PCDH9: variants seen among roughly 807,000 people sequenced by gnomAD.
The protein encoded by PCDH9 is protocadherin 9, also known as protocadherin-9.
Under a neutral mutation model 70.6 loss-of-function variants are expected in PCDH9, and 24 were observed. The observed-to-expected ratio is 0.34, with a 90% CI of 0.25 to 0.48. The LOEUF is 0.48. Ranked by LOEUF, PCDH9 falls within the 20% of genes least tolerant of loss-of-function variation. The pLI, the probability that PCDH9 is intolerant of heterozygous loss-of-function variation, is 0.99. For missense variants in PCDH9, 1,281 were observed against 1,503.6 expected, an observed-to-expected ratio of 0.85 and a Z score of 2.45; for synonymous variants, 562 against 558.5, an observed-to-expected ratio of 1.01 and a Z score of -0.09.
intron 2 of PCDH9, among the ~76,000 whole-genome samples, chr13:67,189,125 CAT>C (rs200358480): frequency 6.6e-6 from 1 of 151,252 alleles, no homozygotes; most frequent in African/African-American, 2.4e-5. Flanking sequence ...TTAATTCCTT[CAT>C]ATATATATAT....
chr13:66,612,105 T>C (rs2077300163), intron 4 of PCDH9, among the ~76,000 whole-genome samples: 1 of 152,210 alleles, frequency 6.6e-6, no homozygotes, highest in Non-Finnish European at 1.5e-5. Context: ...CCTAACCTCA[T>C]TCAATGTTAA....
chr13:66,967,581 CA>C (rs2083451215), intron 2 of PCDH9, among the ~76,000 whole-genome samples: 2 of 151,804 alleles, frequency 1.3e-5, no homozygotes, highest in South Asian at 4.1e-4. Context: ...CAAGTTTACC[CA>C]AATCCATAGA....
Position 66,576,033 on chromosome 13 carries a change from T to TA in PCDH9, c.3340+55176dup, listed in dbSNP as rs914710392. On this transcript the variant is annotated intron_variant, in intron 4 of 4. Coordinates refer to ENST00000377865, the MANE Select transcript of PCDH9 (RefSeq NM_203487.3). ...CACTTTGGATTATTTTTAACCCAAA[T>TA]AAAAAAGATCAATTATCATAAAACA... Among the ~76,000 whole-genome samples, 3 of 110,002 alleles carry TA rather than the reference T, an allele frequency of 2.7e-5. No homozygotes were observed. The South Asian group carries it at 7.9e-4, about 29-fold the overall frequency. 72.2% of individuals were successfully genotyped at this position (110,002 alleles called of 152,430 possible). A position where few individuals can be genotyped will look rare whatever the true frequency, so the allele number is the denominator to read the frequency against.
At chr13:66,533,440 T>C (rs1360697912) in intron 4 of PCDH9, among the ~76,000 whole-genome samples, 1 of 152,048 alleles carries the variant, frequency 6.6e-6, no homozygotes. Context: ...GCAAAACTAT[T>C]TGTAGATCAT....
At chr13:67,116,526 G>A (rs944595486) in intron 2 of PCDH9, among the ~76,000 whole-genome samples, 9 of 152,032 alleles carry the variant, frequency 5.9e-5, no homozygotes, top group South Asian at 2.1e-4. Context: ...TAGAACCTGA[G>A]TAAGATAAAT....
At chr13:66,820,751 G>A (rs2080696701) in intron 3 of PCDH9, among the ~76,000 whole-genome samples, 1 of 152,124 alleles carries the variant, frequency 6.6e-6, no homozygotes, top group South Asian at 2.1e-4. Context: ...CAGAGGGACA[G>A]AAAACTAAAT....
chr13:67,221,462 T>C (rs2089723150), intron 2 of PCDH9: 1 of 152,116 alleles, frequency 6.6e-6, no homozygotes, highest in African/African-American at 2.4e-5. Flanking sequence ...ATTTTCAGTG[T>C]ATACATTCCT....
intron 2 of PCDH9, among the ~76,000 whole-genome samples, chr13:67,131,018 C>T (rs577140219): frequency 6.6e-6 from 1 of 152,174 alleles, no homozygotes; most frequent in Non-Finnish European, 1.5e-5. Context: ...AGTGAGAAAA[C>T]TGAAGATATT....
At chr13:66,665,129 G>A (rs1256415119) in intron 3 of PCDH9, among the ~76,000 whole-genome samples, 13 of 147,344 alleles carry the variant, frequency 8.8e-5, no homozygotes, top group Non-Finnish European at 1.2e-4. Context: ...TTTTTGAGAC[G>A]GAGTTTTGCT....
At chr13:66,996,732 A>G (rs1013160689) in intron 2 of PCDH9, among the ~76,000 whole-genome samples, 1 of 152,222 alleles carries the variant, frequency 6.6e-6, no homozygotes, top group Non-Finnish European at 1.5e-5. Context: ...CCCTGAATGA[A>G]TGTGTCTAAA....
chr13:66,345,479 G>A (rs919733290), intron 4 of PCDH9, among the ~76,000 whole-genome samples: 4 of 152,004 alleles, frequency 2.6e-5, no homozygotes, highest in Non-Finnish European at 4.4e-5. Flanking sequence ...GCTATCAAAG[G>A]CATTTCCACA....
At chr13:66,309,986 T>C (rs1392278374) in intron 4 of PCDH9, among the ~76,000 whole-genome samples, 3 of 152,016 alleles carry the variant, frequency 2.0e-5, no homozygotes, top group African/African-American at 4.8e-5. Flanking sequence ...TACACCAGTT[T>C]ATTTCCTTTC....
intron 4 of PCDH9, among the ~76,000 whole-genome samples, chr13:66,511,145 A>T (rs1959450344): frequency 6.6e-6 from 1 of 152,212 alleles, no homozygotes; most frequent in Non-Finnish European, 1.5e-5. Flanking sequence ...TAAAACTGTC[A>T]CATTAAAAAC....
chr13:66,311,266 T>C (rs1320916550), intron 4 of PCDH9, among the ~76,000 whole-genome samples: 1 of 152,064 alleles, frequency 6.6e-6, no homozygotes, highest in East Asian at 1.9e-4. Context: ...TTGAAGTTAA[T>C]TTTAGTATCT....
chr13:66,526,454 T>C (rs1432978192), intron 4 of PCDH9, among the ~76,000 whole-genome samples: 3 of 152,018 alleles, frequency 2.0e-5, no homozygotes, highest in East Asian at 3.9e-4. Flanking sequence ...TGCTTGAAAA[T>C]CAGGACAGTC....
At chr13:66,329,287 A>G (rs1277046202) in intron 4 of PCDH9, among the ~76,000 whole-genome samples, 1 of 152,312 alleles carries the variant, frequency 6.6e-6, no homozygotes, top group East Asian at 1.9e-4. Context: ...TGAATGCTTG[A>G]CAATTATTCT....
intron 3 of PCDH9, among the ~76,000 whole-genome samples, chr13:66,761,561 CTA>C (rs1370172913): frequency 6.6e-6 from 1 of 152,120 alleles, no homozygotes; most frequent in Non-Finnish European, 1.5e-5. Context: ...TCCCCTGACT[CTA>C]TGAGTTTAAA....
intron 4 of PCDH9, among the ~76,000 whole-genome samples, chr13:66,600,888 T>C (rs943437716): frequency 6.9e-6 from 1 of 144,720 alleles, no homozygotes; most frequent in Non-Finnish European, 1.6e-5. Flanking sequence ...GGGAACACTC[T>C]AATTTGCTTG....
At chr13:66,563,411 C>G (rs2076605660) in intron 4 of PCDH9, among the ~76,000 whole-genome samples, 1 of 152,136 alleles carries the variant, frequency 6.6e-6, no homozygotes, top group African/African-American at 2.4e-5. Context: ...CTACTTCAGT[C>G]AAAACCACCC....
Sources: gnomAD v4.1 joint callset for allele counts (sites outside exome capture counted in the v4.1 genomes callset) on GRCh38, gnomAD v4.1.1 for gene constraint, MANE v1.5 for transcripts, NCBI Gene and HGNC (gene_info 2026-07-23, HGNC 2026-07-21) for gene names.